SMIM14: variants seen among roughly 807,000 people sequenced by gnomAD.
The protein encoded by SMIM14 is chromosome 4 open reading frame 34.
Under a neutral mutation model 12.6 loss-of-function variants are expected in SMIM14, and 5 were observed. The observed-to-expected ratio is 0.40, with a 90% CI of 0.21 to 0.83. SMIM14 has a LOEUF of 0.83. Ranked by LOEUF, SMIM14 falls within the 40% of genes least tolerant of loss-of-function variation. SMIM14 has a pLI of 0.37. For missense variants in SMIM14, 86 were observed against 119.1 expected, an observed-to-expected ratio of 0.72 and a Z score of 1.29; for synonymous variants, 30 against 40.1, an observed-to-expected ratio of 0.75 and a Z score of 0.95.
chr4:39,633,073 C>A (rs979275879), intron 1 of SMIM14, among the ~76,000 whole-genome samples: 1 of 151,566 alleles, frequency 6.6e-6, no homozygotes, highest in Non-Finnish European at 1.5e-5. Flanking sequence ...ACAGGTGGAT[C>A]ACCTAAGGTC....
intron 2 of SMIM14, among the ~76,000 whole-genome samples, chr4:39,597,374 T>C (rs1426547453): frequency 1.3e-5 from 2 of 152,040 alleles, no homozygotes; most frequent in African/African-American, 2.4e-5. Context: ...AAATTGTACT[T>C]AGTTTTATTT....
intron 2 of SMIM14, among the ~76,000 whole-genome samples, chr4:39,592,384 T>C (rs1714149567): frequency 6.6e-6 from 1 of 151,722 alleles, no homozygotes; most frequent in Non-Finnish European, 1.5e-5. Flanking sequence ...ATTATGAGCA[T>C]GAGCCCAGCC....
At chr4:39,606,410 A>AG (rs1034553775) in intron 1 of SMIM14, among the ~76,000 whole-genome samples, 3 of 151,926 alleles carry the variant, frequency 2.0e-5, no homozygotes, top group Non-Finnish European at 4.4e-5. Context: ...TGGGAGGCCG[A>AG]GGTGGGTGGA....
chr4:39,577,563 G>A (rs1357407100), intron 2 of SMIM14, among the ~76,000 whole-genome samples: 1 of 151,808 alleles, frequency 6.6e-6, no homozygotes, highest in Non-Finnish European at 1.5e-5. Flanking sequence ...AAGTAGCTGA[G>A]ATTACAGACC....
intron 4 of SMIM14, among the ~76,000 whole-genome samples, chr4:39,555,844 C>T (rs1711984209): frequency 6.6e-6 from 1 of 152,142 alleles, no homozygotes; most frequent in African/African-American, 2.4e-5. Context: ...GGGCTGGAAG[C>T]ATGAGAGGCA....
At chr4:39,634,836 GA>G (rs369946086) in intron 1 of SMIM14, among the ~76,000 whole-genome samples, 4 of 149,724 alleles carry the variant, frequency 2.7e-5, no homozygotes, top group Non-Finnish European at 4.5e-5. Flanking sequence ...TTTTCCATGG[GA>G]AAAAAAAATG....
At chr4:39,578,470 A>G (rs1713315020) in intron 2 of SMIM14, among the ~76,000 whole-genome samples, 1 of 152,212 alleles carries the variant, frequency 6.6e-6, no homozygotes, top group Non-Finnish European at 1.5e-5. Flanking sequence ...ACAATTAGAG[A>G]AAAACCAAAG....
chr4:39,549,406 C>T lies in SMIM14; in HGVS notation c.*2720G>A, dbSNP rs940613805. 1 of 152,154 alleles carries T rather than the reference C, an allele frequency of 6.6e-6. No homozygotes were observed. Among genetic ancestry groups the T allele is most frequent in the Non-Finnish European group, 1.5e-5 (1 of 68,198 alleles). 9.4% of individuals were successfully genotyped at this position (152,154 alleles called of 1,614,324 possible). A position where few individuals can be genotyped will look rare whatever the true frequency, so the allele number is the denominator to read the frequency against. ...CAAGCGATTCTCCTGCCTCAGCCTC[C>T]CGAGTAGCTAAGACTACAGGCCGTG... On this transcript the variant is annotated 3_prime_UTR_variant, in exon 5 of 5. Coordinates refer to ENST00000295958, the MANE Select transcript of SMIM14 (RefSeq NM_174921.3).
Position 39,553,743 on chromosome 4 carries a change from G to A in SMIM14, c.268-1585C>T, listed in dbSNP as rs541653190. On this transcript the variant is annotated intron_variant, in intron 4 of 4. Transcript: ENST00000295958. The stretch of plus-strand genomic sequence containing the variant: ...CAAGTAGCTGGGATTACAGGCACGC[G>A]CCACCATGCCTGGCTAATTTTTGTA... 7.6e-4 allele frequency among the ~76,000 whole-genome samples: 116 copies of A among 151,956 alleles called. 1 individual carries two copies. Among genetic ancestry groups the A allele is most frequent in the Non-Finnish European group, 1.3e-4 (9 of 67,956 alleles).
intron 1 of SMIM14, among the ~76,000 whole-genome samples, chr4:39,612,934 A>C (rs1402951818): frequency 6.6e-6 from 1 of 152,252 alleles, no homozygotes. Flanking sequence ...AATTAAATAC[A>C]GAAATGACCA....
chr4:39,584,555 G>C (rs778110356), intron 2 of SMIM14, among the ~76,000 whole-genome samples: 2 of 144,974 alleles, frequency 1.4e-5, no homozygotes, highest in Non-Finnish European at 3.0e-5. Flanking sequence ...CAATAATTTA[G>C]GAGGCCTAGG....
intron 3 of SMIM14, among the ~76,000 whole-genome samples, chr4:39,560,736 C>T (rs1357508406): frequency 2.0e-5 from 3 of 152,072 alleles, no homozygotes; most frequent in Non-Finnish European, 2.9e-5. Flanking sequence ...GCATCTCCCC[C>T]GCCCTACCCC....
intron 2 of SMIM14, among the ~76,000 whole-genome samples, chr4:39,591,707 C>A (rs926299389): frequency 6.6e-6 from 1 of 152,022 alleles, no homozygotes; most frequent in East Asian, 1.9e-4. Flanking sequence ...AGGCACCCAC[C>A]ACCAGGCCCA....
chr4:39,602,732 A>G (rs1295987280), intron 2 of SMIM14, among the ~76,000 whole-genome samples: 2 of 152,172 alleles, frequency 1.3e-5, no homozygotes, highest in African/African-American at 4.8e-5. Context: ...GTCTGATTTA[A>G]TGTATAAGTT....
At chr4:39,635,827 A>G (rs1716065378) in intron 1 of SMIM14, among the ~76,000 whole-genome samples, 3 of 152,114 alleles carry the variant, frequency 2.0e-5, no homozygotes, top group Admixed American at 2.0e-4. Flanking sequence ...TTTTGGTGCC[A>G]ACTGGTAAAG....
intron 1 of SMIM14, among the ~76,000 whole-genome samples, chr4:39,611,567 A>T (rs1181590779): frequency 6.6e-6 from 1 of 151,728 alleles, no homozygotes; most frequent in Non-Finnish European, 1.5e-5. Flanking sequence ...CTAGCTACTC[A>T]GGAGGCTGAC....
At position 39,614,321 on chromosome 4, in the gene SMIM14, G is replaced by A. The variant is rs1002426048; in HGVS notation, c.-35-9141C>T. On this transcript the variant is annotated intron_variant, in intron 1 of 4. Transcript: ENST00000295958. ...GTTATAGGTTCTGGGGAGTTCCTAT[G>A]CTACTTTTTTTTTTTTTGAGACAGA... Among the ~76,000 whole-genome samples, 11 of 151,810 alleles carry A rather than the reference G, an allele frequency of 7.2e-5. No individual in the cohort carries two copies. In the South Asian group the frequency reaches 1.2e-3, roughly 17 times the overall value.
chr4:39,559,257 C>T (rs1712170208), intron 3 of SMIM14, among the ~76,000 whole-genome samples: 1 of 151,860 alleles, frequency 6.6e-6, no homozygotes, highest in Admixed American at 6.6e-5. Flanking sequence ...GGTGGGGTGG[C>T]GTGAGCCTGT....
intron 3 of SMIM14, among the ~76,000 whole-genome samples, chr4:39,571,918 C>T (rs1258355692): frequency 6.6e-6 from 1 of 151,902 alleles, no homozygotes; most frequent in East Asian, 1.9e-4. Flanking sequence ...ATCCTCCCAC[C>T]TCAGCCTCAG....
Sources: gnomAD v4.1 joint callset for allele counts (sites outside exome capture counted in the v4.1 genomes callset) on GRCh38, gnomAD v4.1.1 for gene constraint, MANE v1.5 for transcripts, NCBI Gene and HGNC (gene_info 2026-07-23, HGNC 2026-07-21) for gene names.